PDE8A: variants seen among roughly 807,000 people sequenced by gnomAD.
PDE8A encodes the protein high affinity cAMP-specific and IBMX-insensitive 3',5'-cyclic phosphodiesterase 8A.
In PDE8A, 59 loss-of-function variants were observed where a neutral mutation model predicts 105.0. The ratio of observed to expected loss-of-function variants is 0.56; its 90% CI spans 0.46 to 0.70. The LOEUF is 0.70. Among genes scored for constraint, PDE8A ranks in the 30% least tolerant of loss-of-function variants. The pLI is 0.00. For synonymous variants in PDE8A, 355 were observed against 371.9 expected (o/e 0.95, Z 0.52); for missense variants, 1,014 against 1,045.9 (o/e 0.97, Z 0.42).
chr15:84,990,250 A>G (rs1428314272), intron 1 of PDE8A, among the ~76,000 whole-genome samples: 3 of 152,248 alleles, frequency 2.0e-5, no homozygotes, highest in Non-Finnish European at 4.4e-5. Flanking sequence ...AATGCCATAA[A>G]GTAAAATGTG....
chr15:85,116,455 T>C (rs2082098715), intron 16 of PDE8A: 1 of 250,928 alleles, frequency 4.0e-6, no homozygotes, highest in Admixed American at 5.0e-5. Context: ...AGAACCAAAA[T>C]TTATTAGAAA....
rs1041598732 is a variant in PDE8A, at chr15:85,115,844, C to T, written c.1400-140C>T. The T allele has an allele frequency of 7.0e-5, 49 of 697,856 alleles. 1 individual carries two copies. Among genetic ancestry groups the T allele is most frequent in the South Asian group, 4.1e-4 (22 of 53,758 alleles). The allele number at this position is 697,856 out of a possible 1,614,324, so 43.2% of individuals were successfully genotyped here. A position where few individuals can be genotyped will look rare whatever the true frequency, so the allele number is the denominator to read the frequency against. ...CTGAGGCAGGAGAATCACTTGAACC[C>T]GGGAGGCGGAGGTTGCAGTGAGCTG... On this transcript the variant is annotated intron_variant, in intron 15 of 21. Coordinates refer to ENST00000394553, the MANE Select transcript of PDE8A (RefSeq NM_002605.3).
chr15:84,996,053 A>G (rs976935347), intron 1 of PDE8A, among the ~76,000 whole-genome samples: 2 of 152,204 alleles, frequency 1.3e-5, no homozygotes, highest in Non-Finnish European at 1.5e-5. Context: ...TTTTGGTTTT[A>G]GAAGTTAAAT....
chr15:84,996,308 G>T (rs2079975067), intron 1 of PDE8A, among the ~76,000 whole-genome samples: 1 of 151,958 alleles, frequency 6.6e-6, no homozygotes. Context: ...CTCCTGAGTA[G>T]CTGGGGCTAT....
intron 1 of PDE8A, among the ~76,000 whole-genome samples, chr15:84,985,846 A>G (rs1382548466): frequency 6.6e-6 from 1 of 152,216 alleles, no homozygotes; most frequent in Non-Finnish European, 1.5e-5. Flanking sequence ...TTTTGTGGAA[A>G]TCTCTGGTTA....
At chr15:85,136,691 T>A in intron 21 of PDE8A, 28 bp downstream of exon 21, 1 of 1,607,210 alleles carries the variant, frequency 6.2e-7, no homozygotes, top group South Asian at 1.1e-5. Flanking sequence ...AAATAGCATA[T>A]TTTCCTCTAA....
chr15:85,065,338 G>C (rs1439378929), intron 2 of PDE8A, among the ~76,000 whole-genome samples: 1 of 118,520 alleles, frequency 8.4e-6, no homozygotes, highest in African/African-American at 3.2e-5. Flanking sequence ...GTGGTGGGGA[G>C]GGGGGAGGGG....
At chr15:85,021,235 T>C (rs2080421359) in intron 1 of PDE8A, among the ~76,000 whole-genome samples, 1 of 152,112 alleles carries the variant, frequency 6.6e-6, no homozygotes, top group Non-Finnish European at 1.5e-5. Flanking sequence ...CTGTGAGAAA[T>C]AAATTTCTGT....
intron 1 of PDE8A, among the ~76,000 whole-genome samples, chr15:85,030,471 A>G (rs2080595952): frequency 6.6e-6 from 1 of 151,822 alleles, no homozygotes; most frequent in Non-Finnish European, 1.5e-5. Context: ...AGCTCTAAAA[A>G]CCTGAGAGCT....
chr15:85,110,122 A>C (rs978259353), intron 12 of PDE8A, among the ~76,000 whole-genome samples: 1 of 151,830 alleles, frequency 6.6e-6, no homozygotes, highest in Non-Finnish European at 1.5e-5. Context: ...AAGGGTAGGG[A>C]CTCAGTTAGT....
chr15:85,094,236 C>T (rs1427613205), intron 8 of PDE8A, among the ~76,000 whole-genome samples: 1 of 152,054 alleles, frequency 6.6e-6, no homozygotes, highest in African/African-American at 2.4e-5. Flanking sequence ...TTAATGGGTA[C>T]CAAGTAAATG....
Position 85,117,645 on chromosome 15 carries a change from T to G in PDE8A, c.1540T>G (p.Leu514Val). The change falls in exon 17 of 22, where the codon TTG becomes GTG. Residue 514 changes from leucine to valine, a missense_variant. By Grantham distance (32) the Leu-to-Val change is conservative. Coordinates refer to ENST00000394553, the MANE Select transcript of PDE8A (RefSeq NM_002605.3). ...TGGGGTTTTTTCTGTCTATAGGCCT[T>G]TGATTTATCTTGGTCTCAAAATGTT... ...ELEAATHNRP[L>V]IYLGLKMFAR... is the part of the protein sequence containing the mutation. 1 of 1,613,880 alleles carries G rather than the reference T, an allele frequency of 6.2e-7. No homozygotes were observed. Among genetic ancestry groups the G allele is most frequent in the Non-Finnish European group, 8.5e-7 (1 of 1,179,728 alleles).
intron 20 of PDE8A, among the ~76,000 whole-genome samples, chr15:85,132,801 C>T (rs144658025): frequency 6.6e-6 from 1 of 151,884 alleles, no homozygotes; most frequent in Non-Finnish European, 1.5e-5. Flanking sequence ...GATATTCTCA[C>T]TGTGGTGTTC....
In PDE8A at chr15:85,108,611, AC is replaced by A. The variant is rs1158495958; in HGVS notation, c.1037-441del. On this transcript the variant is annotated intron_variant, in intron 11 of 21. Coordinates refer to ENST00000394553, the MANE Select transcript of PDE8A (RefSeq NM_002605.3). ...ATATACCTCAAACAGTGTTCACCAT[AC>A]TACCCTAGGAAAGAGAAGAATGTTT... Among the ~76,000 whole-genome samples the A allele has an allele frequency of 1.4e-4, 22 of 152,332 alleles. No homozygotes were observed. The South Asian group carries it at 1.7e-3, about 11-fold the overall frequency.
rs539388008 is a variant in PDE8A, at chr15:85,008,782, C to A, written c.186+26434C>A. On this transcript the variant is annotated intron_variant, in intron 1 of 21. Transcript: ENST00000394553. ...TCATCCCACCCTATTCCACCTTGCC[C>A]CTGTCTGCTGAGCCATCTGCATTTG... 2.0e-5 allele frequency among the ~76,000 whole-genome samples: 3 copies of A among 152,150 alleles called. No homozygotes were observed. The South Asian group carries it at 6.2e-4, about 32-fold the overall frequency.
Position 84,982,266 on chromosome 15 carries a change from A to G in PDE8A, c.104A>G (p.Gln35Arg). 3 of 1,446,114 alleles carry G rather than the reference A, an allele frequency of 2.1e-6. No individual in the cohort carries two copies. Among genetic ancestry groups the G allele is most frequent in the Non-Finnish European group, 2.7e-6 (3 of 1,107,548 alleles). 89.6% of individuals were successfully genotyped at this position (1,446,114 alleles called of 1,614,324 possible). The change falls in exon 1 of 22, where the codon CAG becomes CGG. Residue 35 changes from glutamine (Q) to arginine (R), a missense_variant. Transcript: ENST00000394553. The stretch of plus-strand genomic sequence containing the variant: ...TCGTCCGGCGGGCCGCGCCTCCCGC[A>G]GGGCCAGAAGACGGCCGCCTTGCCC... ...PLSSGGPRLP[Q>R]GQKTAALPRT...
intron 11 of PDE8A, among the ~76,000 whole-genome samples, chr15:85,106,387 C>A (rs188591339): frequency 2.0e-5 from 3 of 152,154 alleles, no homozygotes; most frequent in Non-Finnish European, 4.4e-5. Context: ...CATCTCCTTT[C>A]GAGTTCATGG....
chr15:85,045,045 A>G (rs1863392961), intron 1 of PDE8A, among the ~76,000 whole-genome samples: 1 of 151,162 alleles, frequency 6.6e-6, no homozygotes, highest in Admixed American at 6.6e-5. Flanking sequence ...CCTTATTTCC[A>G]CTGTAGGTCC....
intron 1 of PDE8A, among the ~76,000 whole-genome samples, chr15:85,019,055 T>C (rs867626518): frequency 1.1e-4 from 17 of 152,326 alleles, no homozygotes; most frequent in African/African-American, 3.1e-4. Context: ...TGGTCAAGCC[T>C]TGCTGCCTCC....
Sources: allele counts gnomAD v4.1 joint callset (sites outside exome capture counted in the v4.1 genomes callset), GRCh38; gene constraint gnomAD v4.1.1; transcripts MANE v1.5; gene names NCBI Gene and HGNC (gene_info 2026-07-23, HGNC 2026-07-21).